The following DCAF1 variants were observed in gnomAD, a reference collection of about 807,000 sequenced individuals.
DCAF1 encodes DDB1 and CUL4 associated factor 1, also known as DDB1- and CUL4-associated factor 1.
In DCAF1, 15 loss-of-function variants were observed where a neutral mutation model predicts 128.0. The ratio of observed to expected loss-of-function variants is 0.12; its 90% CI spans 0.08 to 0.18. The LOEUF is 0.18. Ranked by LOEUF, DCAF1 falls within the 10% of genes least tolerant of loss-of-function variation. The probability of loss-of-function intolerance (pLI) is 1.00; values close to 1 mark genes in which losing one functional copy is unlikely to be tolerated. For missense variants in DCAF1, 988 were observed against 1,649.5 expected, an observed-to-expected ratio of 0.60 and a Z score of 6.95; for synonymous variants, 610 against 603.0, an observed-to-expected ratio of 1.01 and a Z score of -0.17.
At chr3:51,484,723 C>T (rs1204566781) in intron 2 of DCAF1, among the ~76,000 whole-genome samples, 1 of 145,530 alleles carries the variant, frequency 6.9e-6, no homozygotes, top group African/African-American at 2.5e-5. Flanking sequence ...CACTCTGTCA[C>T]CCAGGCTGGA....
chr3:51,471,258 A>T (rs1365380712), intron 3 of DCAF1, among the ~76,000 whole-genome samples: 2 of 145,656 alleles, frequency 1.4e-5, no homozygotes, highest in African/African-American at 5.1e-5. Flanking sequence ...ATCTTGGCTC[A>T]CTGCAAGCTC....
At chr3:51,440,332 CAG>C (rs1470060200) in intron 9 of DCAF1, among the ~76,000 whole-genome samples, 2 of 152,178 alleles carry the variant, frequency 1.3e-5, no homozygotes, top group Non-Finnish European at 2.9e-5. Context: ...CTCAGTGACA[CAG>C]GGTATGGTGG....
At chr3:51,458,690 C>T (rs28829025) in intron 6 of DCAF1, among the ~76,000 whole-genome samples, 25 of 151,890 alleles carry the variant, frequency 1.6e-4, no homozygotes, top group South Asian at 2.1e-4. Context: ...CAAATGTAAA[C>T]GAACAGAAAT....
chr3:51,425,261 A>T (rs1553633813), intron 13 of DCAF1, among the ~76,000 whole-genome samples: 1 of 152,126 alleles, frequency 6.6e-6, no homozygotes, highest in African/African-American at 2.4e-5. Flanking sequence ...ACTCAAGGCC[A>T]GGAGTTCGAG....
chr3:51,499,429 A>G (rs1269837926), intron 1 of DCAF1, among the ~76,000 whole-genome samples: 1 of 152,120 alleles, frequency 6.6e-6, no homozygotes, highest in Non-Finnish European at 1.5e-5. Flanking sequence ...AGGTGACTGG[A>G]GCTGGAGGCG....
intron 9 of DCAF1, chr3:51,440,139 C>T (rs1553638235): frequency 7.9e-6 from 4 of 506,852 alleles, no homozygotes; most frequent in South Asian, 1.4e-5. Context: ...TTTATCTCAA[C>T]GTTCAGCCTT....
chr3:51,498,518 A>G (rs1351758483), intron 1 of DCAF1, among the ~76,000 whole-genome samples: 1 of 152,028 alleles, frequency 6.6e-6, no homozygotes, highest in African/African-American at 2.4e-5. Context: ...AGGGAGGATC[A>G]CTTGAGTTCA....
At chr3:51,492,851 G>A (rs1707812823) in intron 2 of DCAF1, among the ~76,000 whole-genome samples, 1 of 151,770 alleles carries the variant, frequency 6.6e-6, no homozygotes, top group African/African-American at 2.4e-5. Flanking sequence ...AAAATTAGCT[G>A]GGCGTGGTGG....
chr3:51,484,733 A>G (rs1340062114), intron 2 of DCAF1, among the ~76,000 whole-genome samples: 2 of 135,908 alleles, frequency 1.5e-5, no homozygotes, highest in African/African-American at 5.6e-5. Context: ...CCCAGGCTGG[A>G]GTGCAATGGC....
chr3:51,405,151 C>T (rs1400631792), intron 23 of DCAF1, among the ~76,000 whole-genome samples: 3 of 152,160 alleles, frequency 2.0e-5, no homozygotes, highest in Non-Finnish European at 4.4e-5. Flanking sequence ...GCTTCGTGGA[C>T]AGAACACTTA....
At chr3:51,435,547 C>T (rs1006647535) in intron 9 of DCAF1, among the ~76,000 whole-genome samples, 18 of 152,010 alleles carry the variant, frequency 1.2e-4, no homozygotes, top group Admixed American at 7.2e-4. Context: ...CTAGCCTCTA[C>T]TAATAACACA....
At chr3:51,462,591 C>A (rs562742953) in intron 6 of DCAF1, among the ~76,000 whole-genome samples, 1 of 151,660 alleles carries the variant, frequency 6.6e-6, no homozygotes, top group Non-Finnish European at 1.5e-5. Flanking sequence ...ACTAAAATTA[C>A]AAAAATTAAG....
chr3:51,491,497 C>A (rs1707641021), intron 2 of DCAF1, among the ~76,000 whole-genome samples: 1 of 152,156 alleles, frequency 6.6e-6, no homozygotes, highest in African/African-American at 2.4e-5. Context: ...GCACTCACAT[C>A]TATGATCAAT....
chr3:51,453,264 G>A (rs1702536166), intron 6 of DCAF1, among the ~76,000 whole-genome samples: 1 of 152,120 alleles, frequency 6.6e-6, no homozygotes. Flanking sequence ...TGCAATAAAA[G>A]TTAATATGAA....
chr3:51,498,989 CA>C (rs753126679), intron 1 of DCAF1, among the ~76,000 whole-genome samples: 1 of 151,886 alleles, frequency 6.6e-6, no homozygotes, highest in Admixed American at 6.6e-5. Context: ...AAGGCTTCAT[CA>C]AAAAAACAGG....
chr3:51,415,185 A>G lies in DCAF1; in HGVS notation c.3604-328T>C, dbSNP rs1287381640. ...TCTCTAGTCCCCTTGATGATCTCAT[A>G]TAAGTTCATGGCTGTAAATACTATC... On this transcript the variant is annotated intron_variant, in intron 18 of 24. Coordinates refer to ENST00000684031, the MANE Select transcript of DCAF1 (RefSeq NM_001387579.1). Among the ~76,000 whole-genome samples the G allele has an allele frequency of 2.6e-5, 4 of 152,162 alleles. No individual in the cohort carries two copies. The East Asian group carries it at 7.7e-4, about 29-fold the overall frequency.
chr3:51,495,572 G>C (rs1191377831), intron 2 of DCAF1, among the ~76,000 whole-genome samples: 2 of 151,412 alleles, frequency 1.3e-5, no homozygotes, highest in Non-Finnish European at 2.9e-5. Flanking sequence ...ACTAATAATA[G>C]CAATGTGAAT....
chr3:51,497,381 G>A (rs372543677), intron 1 of DCAF1, among the ~76,000 whole-genome samples: 1 of 152,080 alleles, frequency 6.6e-6, no homozygotes, highest in South Asian at 2.1e-4. Context: ...GAGGTCAGGA[G>A]TTCATGACCA....
At chr3:51,473,712 T>C (rs1705069073) in intron 3 of DCAF1, among the ~76,000 whole-genome samples, 1 of 151,790 alleles carries the variant, frequency 6.6e-6, no homozygotes, top group Non-Finnish European at 1.5e-5. Context: ...GGGGATTTGC[T>C]CCCCAGGCTG....
Sources: gnomAD v4.1 joint callset for allele counts (sites outside exome capture counted in the v4.1 genomes callset) on GRCh38, gnomAD v4.1.1 for gene constraint, MANE v1.5 for transcripts, NCBI Gene and HGNC (gene_info 2026-07-23, HGNC 2026-07-21) for gene names.